NUP153: variants seen among roughly 807,000 people sequenced by gnomAD.
The protein encoded by NUP153 is nuclear pore complex protein Nup153.
In NUP153, 27 loss-of-function variants were observed where a neutral mutation model predicts 134.6. That is an observed-to-expected ratio of 0.20 (90% CI 0.15 to 0.28). NUP153 has a LOEUF of 0.28. Among genes scored for constraint, NUP153 ranks in the 10% least tolerant of loss-of-function variants. The probability of loss-of-function intolerance (pLI) is 1.00; values close to 1 mark genes in which losing one functional copy is unlikely to be tolerated. For synonymous variants in NUP153, 640 were observed against 623.5 expected (o/e 1.03, Z -0.40); for missense variants, 1,821 against 1,731.3 (o/e 1.05, Z -0.92).
In NUP153 at chr6:17,703,854, G is replaced by A. The variant is rs141160476; in HGVS notation, c.111+2423C>T. Among the ~76,000 whole-genome samples the A allele has an allele frequency of 2.6e-5, 4 of 152,132 alleles. No individual in the cohort carries two copies. The East Asian group carries it at 5.8e-4, about 22-fold the overall frequency. Reference sequence around the variant, plus strand: ...AAGAAGCAAAAGTATTTTAGATAAGGGGCAATGATAAATTATCAAGATTTA... The same window carrying A: ...AAGAAGCAAAAGTATTTTAGATAAGAGGCAATGATAAATTATCAAGATTTA... On this transcript the variant is annotated intron_variant, in intron 1 of 21. Transcript: ENST00000262077.
chr6:17,649,932 A>AG (rs1209387040), intron 11 of NUP153, among the ~76,000 whole-genome samples: 2 of 152,144 alleles, frequency 1.3e-5, no homozygotes, highest in African/African-American at 4.8e-5. Flanking sequence ...GGGGAGCATT[A>AG]TATGGTCTTG....
intron 11 of NUP153, among the ~76,000 whole-genome samples, chr6:17,656,428 GT>G (rs889785152): frequency 1.3e-5 from 2 of 151,982 alleles, no homozygotes; most frequent in Non-Finnish European, 2.9e-5. Flanking sequence ...GTGAAGAGGA[GT>G]TTTTTTTATT....
At chr6:17,634,084 C>T (rs1422975370) in intron 16 of NUP153, among the ~76,000 whole-genome samples, 2 of 152,128 alleles carry the variant, frequency 1.3e-5, no homozygotes, top group Non-Finnish European at 2.9e-5. Context: ...TCTGACTCTT[C>T]TACTGCTATT....
At chr6:17,652,830 C>A (rs1766583343) in intron 11 of NUP153, among the ~76,000 whole-genome samples, 1 of 152,044 alleles carries the variant, frequency 6.6e-6, no homozygotes, top group Non-Finnish European at 1.5e-5. Flanking sequence ...TCGAGACCAG[C>A]CTGACCAACA....
chr6:17,656,906 C>T (rs555676066), intron 11 of NUP153, among the ~76,000 whole-genome samples: 1 of 152,280 alleles, frequency 6.6e-6, no homozygotes, highest in South Asian at 2.1e-4. Context: ...TCAGCAAGCT[C>T]AGTCTGCACA....
rs1768496357 is a variant in NUP153, at chr6:17,680,197, G to A, written c.335-4427C>T. Among the ~76,000 whole-genome samples the A allele has an allele frequency of 6.6e-6, 1 of 152,142 alleles. No individual in the cohort carries two copies. The highest frequency in any genetic ancestry group is 1.5e-5 in the Non-Finnish European group (1 of 68,034). The stretch of plus-strand genomic sequence containing the variant: ...GTCTGGGAAATCTGCTTGGGTCCGT[G>A]TTAATTTCCATTACATGGGAAACCA... On this transcript the variant is annotated intron_variant, in intron 2 of 21. Coordinates refer to ENST00000262077, the MANE Select transcript of NUP153 (RefSeq NM_005124.4). This position sits in a 1 kb window ranked among gnomAD's most constrained non-coding sequence, Gnocchi z 4.5.
intron 20 of NUP153, among the ~76,000 whole-genome samples, chr6:17,618,555 AAT>A (rs2113757968): frequency 8.5e-6 from 1 of 117,186 alleles, no homozygotes; most frequent in Admixed American, 1.2e-4. Flanking sequence ...TGGAAGTTAA[AAT>A]CTCTCTTTTT....
At chr6:17,642,738 T>C (rs960928287) in intron 14 of NUP153, among the ~76,000 whole-genome samples, 19 of 152,172 alleles carry the variant, frequency 1.2e-4, no homozygotes, top group Non-Finnish European at 7.3e-5. Context: ...CATACACATA[T>C]GTTCACAGCA....
intron 20 of NUP153, among the ~76,000 whole-genome samples, chr6:17,623,028 G>A (rs892602888): frequency 1.3e-5 from 2 of 151,868 alleles, no homozygotes; most frequent in Non-Finnish European, 2.9e-5. Context: ...TACTTGGGAG[G>A]CTGAGGCAGA....
rs777772849 is a variant in NUP153 at position 17,681,701 on chromosome 6, G to C, written c.335-5931C>G. ...AAATATTTCAATTTATCTGCAATCA[G>C]GATTTACATACACATAGGTTGAAAT... On this transcript the variant is annotated intron_variant, in intron 2 of 21. Transcript: ENST00000262077. 3.1e-4 allele frequency among the ~76,000 whole-genome samples: 47 copies of C among 152,082 alleles called. 1 individual carries two copies. The highest frequency in any genetic ancestry group is 6.5e-4 in the Non-Finnish European group (44 of 68,014).
In NUP153 at chr6:17,688,723, C is replaced by G. The variant is rs940354559; in HGVS notation, c.112-105G>C. Reference sequence around the variant, plus strand: ...CCAAGCAAAACACAATGGTGTCCAACAAGTTTGCCAAAATTCAGTTACTAC... The same window carrying G: ...CCAAGCAAAACACAATGGTGTCCAAGAAGTTTGCCAAAATTCAGTTACTAC... On this transcript the variant is annotated intron_variant, in intron 1 of 21. Coordinates refer to ENST00000262077, the MANE Select transcript of NUP153 (RefSeq NM_005124.4). 4 of 799,538 alleles carry G rather than the reference C, an allele frequency of 5.0e-6. No individual in the cohort carries two copies. In the African/African-American group the frequency reaches 5.2e-5, roughly 10 times the overall value. 49.5% of individuals were successfully genotyped at this position (799,538 alleles called of 1,614,324 possible).
chr6:17,624,830 G>A lies in NUP153; in HGVS notation c.3905C>T (p.Ser1302Phe), dbSNP rs972856394. The change falls in exon 20 of 22, where the codon TCC (serine) becomes TTC (phenylalanine). Residue 1302 changes from serine to phenylalanine, a missense_variant. Transcript: ENST00000262077. ...GGGTCCAGTTCCAAATACAAAGGAG[G>A]ATCCTGGAGGCCCAAAGAAACACTT... ...GATTTSSSAG[S>F]SFVFGTGPSA... The A allele has an allele frequency of 6.3e-7, 1 of 1,589,478 alleles. No individual in the cohort carries two copies. Among genetic ancestry groups the A allele is most frequent in the Non-Finnish European group, 8.6e-7 (1 of 1,165,394 alleles).
intron 1 of NUP153, among the ~76,000 whole-genome samples, chr6:17,692,620 C>G (rs1365597064): frequency 6.6e-6 from 1 of 152,126 alleles, no homozygotes; most frequent in Non-Finnish European, 1.5e-5. Context: ...TTTCAATACC[C>G]TAATATACCT....
chr6:17,696,856 T>C (rs1173090332), intron 1 of NUP153, among the ~76,000 whole-genome samples: 2 of 152,068 alleles, frequency 1.3e-5, no homozygotes, highest in African/African-American at 4.8e-5. Flanking sequence ...GCAGATCACT[T>C]GAGGTCAGGA....
At chr6:17,626,898 C>T (rs1413802190) in intron 18 of NUP153, among the ~76,000 whole-genome samples, 1 of 152,078 alleles carries the variant, frequency 6.6e-6, no homozygotes, top group Admixed American at 6.5e-5. Flanking sequence ...ACAAGTATGC[C>T]TTTTGTGTTC....
chr6:17,643,974 G>C (rs1554139043), intron 14 of NUP153, among the ~76,000 whole-genome samples: 1 of 151,082 alleles, frequency 6.6e-6, no homozygotes, highest in Non-Finnish European at 1.5e-5. Context: ...TAACATTAAA[G>C]AAAAAAAACT....
Position 17,624,723 on chromosome 6 carries a change from G to T in NUP153, c.4012C>A (p.Pro1338Thr), listed in dbSNP as rs764247027. Residue 1338 changes from proline to threonine, a missense_variant, in exon 20 of 22, where the codon CCC (proline) becomes ACC (threonine). Coordinates refer to ENST00000262077, the MANE Select transcript of NUP153 (RefSeq NM_005124.4). Reference sequence around the variant, plus strand: ...GATGATATAGATCCAAAGCCTGGGGGATTGGGCTGGCTGGCACCTTGACTT... The same window carrying T: ...GATGATATAGATCCAAAGCCTGGGGTATTGGGCTGGCTGGCACCTTGACTT... The part of the protein sequence containing the change: ...GQSQGASQPN[P>T]PGFGSISSST... 1.9e-6 allele frequency: 3 copies of T among 1,614,196 alleles called. No individual in the cohort carries two copies. Among genetic ancestry groups the T allele is most frequent in the Non-Finnish European group, 2.5e-6 (3 of 1,180,028 alleles).
intron 11 of NUP153, among the ~76,000 whole-genome samples, chr6:17,649,743 A>G (rs1197707590): frequency 6.6e-6 from 1 of 152,232 alleles, no homozygotes; most frequent in East Asian, 1.9e-4. Flanking sequence ...TTATAGTGTT[A>G]TAATTGTTCT....
At chr6:17,683,156 A>G (rs1166292452) in intron 2 of NUP153, among the ~76,000 whole-genome samples, 1 of 152,040 alleles carries the variant, frequency 6.6e-6, no homozygotes, top group Non-Finnish European at 1.5e-5. Flanking sequence ...ACTCCTATTC[A>G]TGTCAATATT....
Sources: allele counts gnomAD v4.1 joint callset (sites outside exome capture counted in the v4.1 genomes callset), GRCh38; gene constraint gnomAD v4.1.1; non-coding constraint Gnocchi (gnomAD v3.1); transcripts MANE v1.5; gene names NCBI Gene and HGNC (gene_info 2026-07-23, HGNC 2026-07-21).